Variants in KIF13A observed in about 807,000 individuals in gnomAD.
KIF13A encodes the protein kinesin family member 13A, also known as kinesin-like protein KIF13A.
In KIF13A, 79 loss-of-function variants were observed where a neutral mutation model predicts 212.2. That is an observed-to-expected ratio of 0.37 (90% confidence interval 0.31 to 0.45). The LOEUF is 0.45. Ranked by LOEUF, KIF13A falls within the 20% of genes least tolerant of loss-of-function variation. The pLI is 1.00. For synonymous variants in KIF13A, 789 were observed against 808.6 expected, an observed-to-expected ratio of 0.98 and a Z score of 0.41; for missense variants, 1,901 against 2,209.0, an observed-to-expected ratio of 0.86 and a Z score of 2.79.
At chr6:17,840,442 C>T (rs777619595) in intron 9 of KIF13A, among the ~76,000 whole-genome samples, 1 of 152,082 alleles carries the variant, frequency 6.6e-6, no homozygotes, top group Non-Finnish European at 1.5e-5. Context: ...ATTCTTTGAA[C>T]TATCCCAGAT....
Position 17,783,540 on chromosome 6 carries a change from A to G in KIF13A, c.3544+106T>C. 1.3e-6 allele frequency: 1 copy of G among 795,710 alleles called. No individual in the cohort carries two copies. Among genetic ancestry groups the G allele is most frequent in the Admixed American group, 2.2e-5 (1 of 44,514 alleles). The allele number at this position is 795,710 out of a possible 1,614,324, so 49.3% of individuals were successfully genotyped here. On this transcript the variant is annotated intron_variant, in intron 29 of 38. Coordinates refer to ENST00000259711, the MANE Select transcript of KIF13A (RefSeq NM_022113.6). This position sits in a 1 kb window ranked among gnomAD's most constrained non-coding sequence, Gnocchi z 4.3. ...ACAAAAATGTCACCCAATTTGGCAC[A>G]TGAATGATTAGAAGAGTGATTTAAG...
intron 17 of KIF13A, among the ~76,000 whole-genome samples, chr6:17,812,768 T>C (rs1763542223): frequency 6.6e-6 from 1 of 152,214 alleles, no homozygotes; most frequent in Non-Finnish European, 1.5e-5. Flanking sequence ...CTTTCCACAA[T>C]GATTGAATTA....
At position 17,958,865 on chromosome 6, in the gene KIF13A, T is replaced by G. The variant is rs1303219291; in HGVS notation, c.146+28189A>C. Among the ~76,000 whole-genome samples, 6 of 127,872 alleles carry G rather than the reference T, an allele frequency of 4.7e-5. No individual in the cohort carries two copies. In the East Asian group the frequency reaches 1.5e-3, roughly 31 times the overall value. 83.9% of individuals were successfully genotyped at this position (127,872 alleles called of 152,430 possible). On this transcript the variant is annotated intron_variant, in intron 2 of 38. Coordinates refer to ENST00000259711, the MANE Select transcript of KIF13A (RefSeq NM_022113.6). ...TTGACAATGCTAACATTTGTGTGTCTTTTTCTTTTTCTTTTTTTTTTTTTT... is the reference window on the plus strand; with the variant it reads ...TTGACAATGCTAACATTTGTGTGTCGTTTTCTTTTTCTTTTTTTTTTTTTT...
intron 2 of KIF13A, among the ~76,000 whole-genome samples, chr6:17,969,343 T>A (rs1779602102): frequency 6.6e-6 from 1 of 152,224 alleles, no homozygotes; most frequent in African/African-American, 2.4e-5. Flanking sequence ...TATTGGGGGC[T>A]GGCCCTTTGC....
chr6:17,779,687 A>T lies in KIF13A; in HGVS notation c.3847-3T>A. 8.1e-7 allele frequency: 1 copy of T among 1,242,068 alleles called. No homozygotes were observed. The highest frequency in any genetic ancestry group is 1.2e-6 in the Non-Finnish European group (1 of 867,532). 76.9% of individuals were successfully genotyped at this position (1,242,068 alleles called of 1,614,324 possible). A position where few individuals can be genotyped will look rare whatever the true frequency, so the allele number is the denominator to read the frequency against. On this transcript the variant is annotated splice_region_variant and splice_polypyrimidine_tract_variant and intron_variant, in intron 31 of 38. Coordinates refer to ENST00000259711, the MANE Select transcript of KIF13A (RefSeq NM_022113.6). Reference sequence around the variant, plus strand: ...CTCTTCAAACTCTGCGTGAAACTCTAGTAGAAAAAAAAAAAAGCTGTATTA... The same window carrying T: ...CTCTTCAAACTCTGCGTGAAACTCTTGTAGAAAAAAAAAAAAGCTGTATTA...
Position 17,816,984 on chromosome 6 carries a change from G to C in KIF13A, c.2000+36C>G. ...TCCCTCAAAGACCCACGGCCTTGGG[G>C]CCTTGACTCTGGGCTGCCCCCGCTG... On this transcript the variant is annotated intron_variant, in intron 17 of 38. Transcript: ENST00000259711. The surrounding 1 kb of genome is among the most constrained non-coding windows in gnomAD (Gnocchi z 4.3). 1 of 1,557,464 alleles carries C rather than the reference G, an allele frequency of 6.4e-7. No individual in the cohort carries two copies. Among genetic ancestry groups the C allele is most frequent in the African/African-American group, 1.4e-5 (1 of 73,978 alleles).
At chr6:17,854,278 A>G (rs1278067132) in intron 6 of KIF13A, among the ~76,000 whole-genome samples, 4 of 151,758 alleles carry the variant, frequency 2.6e-5, no homozygotes, top group Admixed American at 2.0e-4. Flanking sequence ...AGCTGGGATT[A>G]CAGGTGCCCA....
downstream of KIF13A, among the ~76,000 whole-genome samples, chr6:17,762,476 T>C (rs1442225610): frequency 6.6e-6 from 1 of 152,136 alleles, no homozygotes; most frequent in African/African-American, 2.4e-5. Flanking sequence ...CCTTCCAAAA[T>C]GCTGGGATTA....
At chr6:17,946,198 C>T (rs1777382937) in intron 2 of KIF13A, among the ~76,000 whole-genome samples, 1 of 152,020 alleles carries the variant, frequency 6.6e-6, no homozygotes, top group Non-Finnish European at 1.5e-5. Flanking sequence ...TCAAAGCGAT[C>T]CTCCCACCTC....
intron 34 of KIF13A, among the ~76,000 whole-genome samples, chr6:17,775,840 G>GATA (rs1206829303): frequency 1.3e-5 from 2 of 151,890 alleles, no homozygotes; most frequent in East Asian, 3.9e-4. Context: ...GATTGAGGTT[G>GATA]AAAAAAATAT....
Position 17,884,689 on chromosome 6 carries a change from G to A in KIF13A, c.160-11252C>T, listed in dbSNP as rs59775334. Among the ~76,000 whole-genome samples, 1,002 of 152,260 alleles carry A rather than the reference G, an allele frequency of 6.6e-3. 10 individuals carry two copies. The highest frequency in any genetic ancestry group is 0.045 in the South Asian group (217 of 4,834). On this transcript the variant is annotated intron_variant, in intron 3 of 38. Transcript: ENST00000259711. Reference sequence around the variant, plus strand: ...TGGGGAAAAAAGTCTGCTCTATGTGGACTTGCTTTGCTTTGTATGAAGGAG... The same window carrying A: ...TGGGGAAAAAAGTCTGCTCTATGTGAACTTGCTTTGCTTTGTATGAAGGAG...
At chr6:17,835,631 A>G (rs1464092979) in intron 11 of KIF13A, among the ~76,000 whole-genome samples, 1 of 152,206 alleles carries the variant, frequency 6.6e-6, no homozygotes, top group Non-Finnish European at 1.5e-5. Flanking sequence ...AAAAATCAAT[A>G]AAACACAGCA....
At chr6:17,978,388 T>C (rs1198150838) in intron 2 of KIF13A, among the ~76,000 whole-genome samples, 2 of 152,232 alleles carry the variant, frequency 1.3e-5, no homozygotes, top group Non-Finnish European at 2.9e-5. Context: ...GTGGTCTTTT[T>C]TGAAAAGATA....
chr6:17,873,308 A>C (rs1235332073), intron 4 of KIF13A, 69 bp downstream of exon 4: 4 of 1,041,752 alleles, frequency 3.8e-6, no homozygotes, highest in African/African-American at 1.6e-5. Context: ...CAGAGGAATT[A>C]AAGAAAATAA....
At chr6:17,909,595 A>G (rs1488094768) in intron 2 of KIF13A, among the ~76,000 whole-genome samples, 1 of 151,292 alleles carries the variant, frequency 6.6e-6, no homozygotes, top group Non-Finnish European at 1.5e-5. Context: ...AGAGGAAGGG[A>G]AAGAATGGAG....
Position 17,785,312 on chromosome 6 carries a change from T to C in KIF13A, c.3488+203A>G, listed in dbSNP as rs1344434014. On this transcript the variant is annotated intron_variant, in intron 28 of 38. Transcript: ENST00000259711. This position sits in a 1 kb window ranked among gnomAD's most constrained non-coding sequence, Gnocchi z 5.8. The stretch of plus-strand genomic sequence containing the variant: ...TGATTCCTGGCCAGGTAATCAATGC[T>C]CTCTCGCTTCCTGTGGGAGAAAGTT... Among the ~76,000 whole-genome samples the C allele has an allele frequency of 3.3e-5, 5 of 152,154 alleles. No homozygotes were observed. The highest frequency in any genetic ancestry group is 5.9e-5 in the Non-Finnish European group (4 of 68,010).
chr6:17,933,663 C>A (rs573074247), intron 2 of KIF13A, among the ~76,000 whole-genome samples: 3 of 151,974 alleles, frequency 2.0e-5, no homozygotes, highest in East Asian at 3.9e-4. Context: ...TTTCCTGACA[C>A]GGGAAAAATA....
downstream of KIF13A, among the ~76,000 whole-genome samples, chr6:17,761,607 T>C (rs1279038508): frequency 6.6e-6 from 1 of 152,152 alleles, no homozygotes; most frequent in Admixed American, 6.5e-5. Context: ...GGTCTCAAAC[T>C]TGTGACCTCA....
intron 19 of KIF13A, 132 bp from the exon 20 acceptor site, chr6:17,804,642 TGTCACA>T: frequency 1.0e-6 from 1 of 964,030 alleles, no homozygotes. Context: ...AAAATTATAA[TGTCACA>T]TAAATAAAAA....
Sources: gnomAD v4.1 joint callset for allele counts (sites outside exome capture counted in the v4.1 genomes callset) on GRCh38, gnomAD v4.1.1 for gene constraint, Gnocchi (gnomAD v3.1) non-coding constraint, MANE v1.5 for transcripts, NCBI Gene and HGNC (gene_info 2026-07-23, HGNC 2026-07-21) for gene names.